Variants in EMSY observed in about 807,000 individuals in gnomAD.
EMSY encodes the protein EMSY transcriptional repressor, BRCA2 interacting, also known as BRCA2-interacting transcriptional repressor EMSY.
Under a neutral mutation model 134.6 loss-of-function variants are expected in EMSY, and 26 were observed. The observed-to-expected ratio is 0.19, with a 90% CI of 0.14 to 0.27. The LOEUF is 0.27. Among genes scored for constraint, EMSY ranks in the 10% least tolerant of loss-of-function variants. The pLI, the probability that EMSY is intolerant of heterozygous loss-of-function variation, is 1.00. For synonymous variants in EMSY, 579 were observed against 577.8 expected, an observed-to-expected ratio of 1.00 and a Z score of -0.03; for missense variants, 1,305 against 1,611.4, an observed-to-expected ratio of 0.81 and a Z score of 3.26.
chr11:76,518,703 ATTTT>A (rs67729914), intron 11 of EMSY, among the ~76,000 whole-genome samples: 6 of 130,192 alleles, frequency 4.6e-5, no homozygotes, highest in Non-Finnish European at 8.0e-5. Context: ...ATATATATAT[ATTTT>A]TTTTTTAATT....
intron 11 of EMSY, among the ~76,000 whole-genome samples, chr11:76,519,623 G>A (rs187062238): frequency 1.5e-4 from 23 of 152,224 alleles, no homozygotes; most frequent in African/African-American, 5.5e-4. Flanking sequence ...CATTCTTTGA[G>A]CAAAGCAACA....
At chr11:76,514,302 A>G (rs946065675) in intron 10 of EMSY, among the ~76,000 whole-genome samples, 1 of 152,152 alleles carries the variant, frequency 6.6e-6, no homozygotes, top group African/African-American at 2.4e-5. Context: ...ATAATTAGCC[A>G]TTACCGTTAT....
intron 8 of EMSY, among the ~76,000 whole-genome samples, chr11:76,473,075 A>G (rs1354758609): frequency 6.6e-6 from 1 of 152,198 alleles, no homozygotes; most frequent in Non-Finnish European, 1.5e-5. Context: ...GGCTGCTAAC[A>G]TTCACAAAAT....
At chr11:76,511,479 C>G (rs1014656775) in intron 9 of EMSY, among the ~76,000 whole-genome samples, 2 of 152,022 alleles carry the variant, frequency 1.3e-5, no homozygotes, top group Non-Finnish European at 2.9e-5. Context: ...TGGTGGGTCC[C>G]TTGAGGTCAG....
intron 4 of EMSY, among the ~76,000 whole-genome samples, chr11:76,456,667 T>TA (rs1248725027): frequency 2.6e-5 from 4 of 152,222 alleles, no homozygotes; most frequent in African/African-American, 9.6e-5. Context: ...TTGTGAGTGT[T>TA]ACTGAAGTTT....
chr11:76,446,337 A>G (rs865962171), intron 1 of EMSY, among the ~76,000 whole-genome samples: 18 of 38,928 alleles, frequency 4.6e-4, no homozygotes, highest in African/African-American at 1.9e-3. Context: ...ATATATATGT[A>G]TATATATATG....
At chr11:76,488,477 A>G (rs1016125307) in intron 8 of EMSY, among the ~76,000 whole-genome samples, 2 of 152,050 alleles carry the variant, frequency 1.3e-5, no homozygotes, top group African/African-American at 4.8e-5. Context: ...AAACAAAAAC[A>G]AAGTTTAATA....
chr11:76,530,139 T>G (rs2136405768), intron 14 of EMSY, among the ~76,000 whole-genome samples: 1 of 150,906 alleles, frequency 6.6e-6, no homozygotes, highest in Non-Finnish European at 1.5e-5. Flanking sequence ...GCCATTTCAT[T>G]AGTTGAATCT....
chr11:76,535,064 G>T (rs1951176232), intron 14 of EMSY, among the ~76,000 whole-genome samples: 1 of 152,002 alleles, frequency 6.6e-6, no homozygotes, highest in African/African-American at 2.4e-5. Flanking sequence ...ACTAACAAAG[G>T]GTCTTAGAAT....
At chr11:76,445,495 G>T (rs1202243958) in intron 1 of EMSY, among the ~76,000 whole-genome samples, 3 of 152,162 alleles carry the variant, frequency 2.0e-5, no homozygotes, top group African/African-American at 7.2e-5. Flanking sequence ...CATTGGGACC[G>T]GCGCCGAGAG....
chr11:76,500,712 C>T (rs1293136861), intron 9 of EMSY, among the ~76,000 whole-genome samples: 1 of 152,182 alleles, frequency 6.6e-6, no homozygotes, highest in African/African-American at 2.4e-5. Flanking sequence ...AAACTAATAC[C>T]ACTGTCATCC....
At chr11:76,449,126 T>C (rs562981959) in intron 2 of EMSY, among the ~76,000 whole-genome samples, 53 of 152,304 alleles carry the variant, frequency 3.5e-4, no homozygotes, top group African/African-American at 1.2e-3. Flanking sequence ...GGAATGTTCA[T>C]ATGTGTTTGT....
At chr11:76,540,454 G>A (rs899622177) in intron 17 of EMSY, among the ~76,000 whole-genome samples, 1 of 152,024 alleles carries the variant, frequency 6.6e-6, no homozygotes, top group Non-Finnish European at 1.5e-5. Context: ...TTTAACATGT[G>A]CATACAAAGC....
rs563470865 is a variant in EMSY, at chr11:76,446,150, A to G, written c.-39-750A>G. Among the ~76,000 whole-genome samples, 16 of 152,144 alleles carry G rather than the reference A, an allele frequency of 1.1e-4. No homozygotes were observed. The South Asian group carries it at 2.3e-3, about 22-fold the overall frequency. ...AGAGCGGCTCTACTCTGTGCTAAGC[A>G]GGTATTGCGCGTGCCCCCAGAGCCG... On this transcript the variant is annotated intron_variant, in intron 1 of 20. Transcript: ENST00000334736.
intron 15 of EMSY, among the ~76,000 whole-genome samples, chr11:76,536,381 A>G (rs1951225048): frequency 6.6e-6 from 1 of 152,190 alleles, no homozygotes; most frequent in Admixed American, 6.5e-5. Flanking sequence ...GAGTAGTTCT[A>G]TCACTTCTAA....
chr11:76,550,556 G>A (rs966792045), exon 21 of EMSY: 6 of 154,148 alleles, frequency 3.9e-5, no homozygotes, highest in African/African-American at 1.4e-4. Flanking sequence ...GTCAGGAAAA[G>A]TTTTTTAAAA....
At chr11:76,478,947 G>A (rs1948869183) in intron 8 of EMSY, among the ~76,000 whole-genome samples, 1 of 151,898 alleles carries the variant, frequency 6.6e-6, no homozygotes, top group South Asian at 2.1e-4. Context: ...CTTAGAACCA[G>A]CACTCAGGAG....
Position 76,455,801 on chromosome 11 carries a change from G to A in EMSY, c.246-2382G>A, listed in dbSNP as rs538621710. 7.9e-5 allele frequency among the ~76,000 whole-genome samples: 12 copies of A among 152,258 alleles called. No homozygotes were observed. The South Asian group carries it at 1.9e-3, about 24-fold the overall frequency. The stretch of plus-strand genomic sequence containing the variant: ...TATGTCAGAATGTTACAGTATTAAC[G>A]CCTTGGATGTCAAGGAGCTTCGGAT... On this transcript the variant is annotated intron_variant, in intron 4 of 20. Coordinates refer to ENST00000334736, the Ensembl canonical transcript of EMSY.
intron 2 of EMSY, among the ~76,000 whole-genome samples, chr11:76,449,545 A>G (rs920454101): frequency 5.3e-5 from 8 of 152,140 alleles, no homozygotes; most frequent in Non-Finnish European, 1.0e-4. Context: ...TTCTCAAACT[A>G]TTCCCTCACT....
Sources: gnomAD v4.1 joint callset for allele counts (sites outside exome capture counted in the v4.1 genomes callset) on GRCh38, gnomAD v4.1.1 for gene constraint, MANE v1.5 for transcripts, NCBI Gene and HGNC (gene_info 2026-07-23, HGNC 2026-07-21) for gene names.